Variants in ADGRG6 observed in about 807,000 individuals in gnomAD.
ADGRG6 encodes the protein adhesion G protein-coupled receptor G6.
Under a neutral mutation model 142.4 loss-of-function variants are expected in ADGRG6, and 84 were observed. That is an observed-to-expected ratio of 0.59 (90% CI 0.49 to 0.71). The LOEUF (loss-of-function observed/expected upper bound fraction) is 0.71. ADGRG6 is among the 30% of genes least tolerant of loss of function. ADGRG6 has a pLI of 0.00. For missense variants in ADGRG6, 1,367 were observed against 1,466.6 expected (o/e 0.93, Z 1.11); for synonymous variants, 521 against 520.5 (o/e 1.00, Z -0.01).
intron 2 of ADGRG6, among the ~76,000 whole-genome samples, chr6:142,318,195 T>TATA (rs1562307399): frequency 4.0e-4 from 13 of 32,884 alleles, no homozygotes; most frequent in Non-Finnish European, 4.6e-4. Flanking sequence ...TATTATATAT[T>TATA]TATATTATAT....
At chr6:142,380,739 T>A (rs1251577950) in intron 4 of ADGRG6, among the ~76,000 whole-genome samples, 1 of 152,228 alleles carries the variant, frequency 6.6e-6, no homozygotes, top group Non-Finnish European at 1.5e-5. Flanking sequence ...ACCAAGCTGC[T>A]GTCACATCCT....
intron 6 of ADGRG6, 43 bp downstream of exon 6, chr6:142,383,886 A>T: frequency 2.1e-6 from 2 of 958,034 alleles, no homozygotes; most frequent in South Asian, 1.4e-5. Flanking sequence ...TGTCTAACAT[A>T]AAAAATTGTA....
At chr6:142,425,859 C>T (rs1034230843) in intron 22 of ADGRG6, among the ~76,000 whole-genome samples, 6 of 152,112 alleles carry the variant, frequency 3.9e-5, no homozygotes, top group Admixed American at 2.0e-4. Context: ...ATGTAGGTGG[C>T]GGTAGGCAAA....
chr6:142,345,570 G>A (rs768698167), intron 2 of ADGRG6, among the ~76,000 whole-genome samples: 13 of 152,022 alleles, frequency 8.6e-5, no homozygotes, highest in Non-Finnish European at 1.8e-4. Context: ...ATGCAAAAGG[G>A]AAAGGAACAG....
At chr6:142,329,460 A>G (rs1451586911) in intron 2 of ADGRG6, among the ~76,000 whole-genome samples, 2 of 152,178 alleles carry the variant, frequency 1.3e-5, no homozygotes, top group Non-Finnish European at 2.9e-5. Flanking sequence ...TCACTTTTGA[A>G]AGGGAAGAAA....
intron 6 of ADGRG6, among the ~76,000 whole-genome samples, chr6:142,385,489 C>T (rs1412478319): frequency 6.6e-6 from 1 of 152,092 alleles, no homozygotes; most frequent in Non-Finnish European, 1.5e-5. Context: ...ATACTATTTA[C>T]TATGTTTTTT....
At chr6:142,347,498 G>A (rs796298624) in intron 2 of ADGRG6, among the ~76,000 whole-genome samples, 1 of 152,122 alleles carries the variant, frequency 6.6e-6, no homozygotes, top group Non-Finnish European at 1.5e-5. Context: ...GATGAATCCA[G>A]TGTTTAATCT....
At chr6:142,355,121 C>T (rs1780380222) in intron 2 of ADGRG6, among the ~76,000 whole-genome samples, 1 of 152,158 alleles carries the variant, frequency 6.6e-6, no homozygotes, top group South Asian at 2.1e-4. Context: ...ACATAGTCTT[C>T]CCATTAGATA....
intron 4 of ADGRG6, among the ~76,000 whole-genome samples, chr6:142,378,946 GC>G (rs1262652787): frequency 2.0e-5 from 3 of 152,048 alleles, no homozygotes; most frequent in African/African-American, 7.2e-5. Flanking sequence ...TATATCTGAT[GC>G]TTAAATATAG....
intron 4 of ADGRG6, among the ~76,000 whole-genome samples, chr6:142,380,360 T>TG (rs1016470086): frequency 6.6e-6 from 1 of 152,034 alleles, no homozygotes; most frequent in African/African-American, 2.4e-5. Context: ...CAGATGGTTG[T>TG]GGGGGGCCCT....
chr6:142,418,353 C>G (rs1776477517), intron 21 of ADGRG6, among the ~76,000 whole-genome samples: 1 of 150,608 alleles, frequency 6.6e-6, no homozygotes, highest in South Asian at 2.1e-4. Flanking sequence ...CAATCTCTGT[C>G]CCATTTCTTC....
chr6:142,421,433 G>A (rs1302628018), intron 22 of ADGRG6, among the ~76,000 whole-genome samples: 5 of 152,176 alleles, frequency 3.3e-5, no homozygotes, highest in African/African-American at 9.7e-5. Context: ...TGAGTATGTA[G>A]CATATAAATA....
At chr6:142,341,568 ATAT>A (rs1231834222) in intron 2 of ADGRG6, among the ~76,000 whole-genome samples, 55 of 122,858 alleles carry the variant, frequency 4.5e-4, no homozygotes, top group South Asian at 2.5e-3. Flanking sequence ...ATACTATATA[ATAT>A]TATGTAGTAT....
intron 2 of ADGRG6, among the ~76,000 whole-genome samples, chr6:142,326,387 A>C (rs982035200): frequency 6.6e-6 from 1 of 152,144 alleles, no homozygotes; most frequent in Non-Finnish European, 1.5e-5. Flanking sequence ...TGAATTTTCA[A>C]AACTCCCATA....
intron 19 of ADGRG6, 67 bp downstream of exon 19, chr6:142,415,163 C>A: frequency 7.3e-7 from 1 of 1,367,638 alleles, no homozygotes; most frequent in African/African-American, 1.5e-5. Context: ...AAAATTGCCT[C>A]GGCTTTGAAA....
At chr6:142,381,778 G>C (rs575563557) in intron 4 of ADGRG6, among the ~76,000 whole-genome samples, 173 bp from the exon 5 acceptor site, 15 of 152,194 alleles carry the variant, frequency 9.9e-5, no homozygotes, top group Non-Finnish European at 1.5e-4. Flanking sequence ...TCAATACTTT[G>C]GTTTTACATT....
Position 142,408,214 on chromosome 6 carries a change from C to G in ADGRG6, c.2333C>G (p.Thr778Ser), listed in dbSNP as rs770457333. 3.8e-6 allele frequency: 6 copies of G among 1,585,392 alleles called. No individual in the cohort carries two copies. Among genetic ancestry groups the G allele is most frequent in the Non-Finnish European group, 4.3e-6 (5 of 1,161,938 alleles). Residue 778 changes from threonine to serine, a missense_variant, in exon 16 of 25, where the codon ACT becomes AGT. Transcript: ENST00000367609. ...ATGGCGTGCAGTATTGGAAACATTA[C>G]TATCCAGAATCTGAAGGATCCTGTT... Reference protein sequence around the residue: ...YVMACSIGNITIQNLKDPVQI... With the variant: ...YVMACSIGNISIQNLKDPVQI...
chr6:142,424,870 T>A (rs987451841), intron 22 of ADGRG6, among the ~76,000 whole-genome samples: 2 of 152,116 alleles, frequency 1.3e-5, no homozygotes, highest in African/African-American at 4.8e-5. Context: ...ACGTTGAGAA[T>A]GTGTTACAAA....
intron 3 of ADGRG6, 22 bp from the exon 4 acceptor site, chr6:142,370,148 T>A: frequency 6.4e-7 from 1 of 1,571,058 alleles, no homozygotes; most frequent in Non-Finnish European, 8.7e-7. Flanking sequence ...AGGTTTATCT[T>A]TCTTGTTATG....
Sources: gnomAD v4.1 joint callset for allele counts (sites outside exome capture counted in the v4.1 genomes callset) on GRCh38, gnomAD v4.1.1 for gene constraint, MANE v1.5 for transcripts, NCBI Gene and HGNC (gene_info 2026-07-23, HGNC 2026-07-21) for gene names.